RAD51B: variants seen among roughly 807,000 people sequenced by gnomAD.
RAD51B encodes the protein DNA repair protein RAD51 homolog 2.
In RAD51B, 38 loss-of-function variants were observed where a neutral mutation model predicts 42.2. That is an observed-to-expected ratio of 0.90 (90% CI 0.70 to 1.18). The LOEUF (loss-of-function observed/expected upper bound fraction) is 1.18, where lower values mean the gene tolerates loss of function less well. Among genes scored for constraint, RAD51B ranks in the 50% most tolerant of loss-of-function variants. The pLI is 0.00. For synonymous variants in RAD51B, 154 were observed against 145.2 expected, an observed-to-expected ratio of 1.06 and a Z score of -0.43; for missense variants, 373 against 400.7, an observed-to-expected ratio of 0.93 and a Z score of 0.59.
chr14:67,939,286 A>T (rs987548591), intron 7 of RAD51B, among the ~76,000 whole-genome samples: 2 of 152,202 alleles, frequency 1.3e-5, no homozygotes, highest in African/African-American at 2.4e-5. Context: ...ATACATGTAG[A>T]TACCCAATAT....
At chr14:68,365,044 T>C (rs2083113375) in intron 8 of RAD51B, among the ~76,000 whole-genome samples, 1 of 152,114 alleles carries the variant, frequency 6.6e-6, no homozygotes, top group South Asian at 2.1e-4. Flanking sequence ...GGCAGGAATG[T>C]AGTGCTCCTA....
At chr14:68,524,618 T>A (rs1886805903) in intron 10 of RAD51B, among the ~76,000 whole-genome samples, 1 of 152,198 alleles carries the variant, frequency 6.6e-6, no homozygotes, top group Non-Finnish European at 1.5e-5. Context: ...TAGAACTGAG[T>A]TAACTCACGT....
At chr14:67,873,178 G>A (rs934572842) in intron 5 of RAD51B, among the ~76,000 whole-genome samples, 3 of 152,050 alleles carry the variant, frequency 2.0e-5, no homozygotes, top group Admixed American at 6.6e-5. Flanking sequence ...GAAAATTTTC[G>A]CAACCTACTC....
chr14:67,959,828 C>T (rs1442563112), intron 7 of RAD51B, among the ~76,000 whole-genome samples: 3 of 152,110 alleles, frequency 2.0e-5, no homozygotes, highest in Admixed American at 1.3e-4. Context: ...CCCTGTAACC[C>T]TAGCACTTTG....
intron 7 of RAD51B, among the ~76,000 whole-genome samples, chr14:68,243,877 A>G (rs1421583179): frequency 6.6e-6 from 1 of 152,070 alleles, no homozygotes; most frequent in Non-Finnish European, 1.5e-5. Context: ...GTTGATTTGT[A>G]ATGAACAGAG....
intron 8 of RAD51B, among the ~76,000 whole-genome samples, chr14:68,295,866 G>A (rs1443020033): frequency 6.6e-6 from 1 of 152,044 alleles, no homozygotes; most frequent in Non-Finnish European, 1.5e-5. Flanking sequence ...TACAGGACAG[G>A]GTAGACCTTG....
chr14:67,990,264 G>A (rs1024810807), intron 7 of RAD51B, among the ~76,000 whole-genome samples: 3 of 151,914 alleles, frequency 2.0e-5, no homozygotes, highest in Admixed American at 2.0e-4. Flanking sequence ...GAAAGTGCTG[G>A]GATTACAGGC....
intron 5 of RAD51B, among the ~76,000 whole-genome samples, chr14:67,875,223 A>C (rs2042687007): frequency 1.3e-5 from 2 of 152,208 alleles, no homozygotes; most frequent in Admixed American, 6.5e-5. Context: ...GAAGACATTA[A>C]TCAAATAATC....
chr14:68,006,248 A>G (rs1019795674), intron 7 of RAD51B, among the ~76,000 whole-genome samples: 4 of 152,190 alleles, frequency 2.6e-5, no homozygotes, highest in Non-Finnish European at 5.9e-5. Flanking sequence ...AGTTCTTTAT[A>G]TATTATAAAT....
At chr14:68,466,588 C>A (rs1217156108) in intron 9 of RAD51B, among the ~76,000 whole-genome samples, 3 of 152,348 alleles carry the variant, frequency 2.0e-5, no homozygotes, top group Non-Finnish European at 2.9e-5. Flanking sequence ...GCCTTGTCAT[C>A]CCCAGAGTGT....
chr14:68,404,487 C>T (rs2084208932), intron 8 of RAD51B, among the ~76,000 whole-genome samples: 1 of 152,158 alleles, frequency 6.6e-6, no homozygotes, highest in African/African-American at 2.4e-5. Context: ...GCTTGAAAGT[C>T]AAAAGACATA....
At chr14:68,389,391 C>A (rs1212283106) in intron 8 of RAD51B, among the ~76,000 whole-genome samples, 1 of 151,860 alleles carries the variant, frequency 6.6e-6, no homozygotes, top group Admixed American at 6.6e-5. Context: ...ATAGCAGGTT[C>A]TCTTTGGTAC....
chr14:68,199,104 G>A (rs187353171), intron 7 of RAD51B, among the ~76,000 whole-genome samples: 12 of 152,082 alleles, frequency 7.9e-5, no homozygotes, highest in South Asian at 2.1e-4. Context: ...CTTATTCCTC[G>A]CATGACATGA....
intron 7 of RAD51B, among the ~76,000 whole-genome samples, chr14:68,151,612 T>TGTG (rs1555364668): frequency 6.6e-6 from 1 of 150,692 alleles, no homozygotes. Flanking sequence ...TCTTGGTTTT[T>TGTG]TGTGTGTGTG....
chr14:68,673,814 A>G lies in RAD51B; in HGVS notation c.*11+22958A>G, dbSNP rs114503164. Among the ~76,000 whole-genome samples the G allele has an allele frequency of 6.0e-3, 907 of 152,216 alleles. 4 individuals are homozygous for G. Among genetic ancestry groups the G allele is most frequent in the African/African-American group, 0.02 (831 of 41,506 alleles). On this transcript the variant is annotated intron_variant, in intron 11 of 11. Transcript: ENST00000488612. ...TATATGCACACATATATACATGTACACACATACACATACTGTACATACACA... is the reference window on the plus strand; with the variant it reads ...TATATGCACACATATATACATGTACGCACATACACATACTGTACATACACA...
At chr14:68,422,826 A>G (rs150264692) in intron 9 of RAD51B, among the ~76,000 whole-genome samples, 2 of 152,316 alleles carry the variant, frequency 1.3e-5, no homozygotes, top group East Asian at 3.9e-4. Flanking sequence ...CAAAGTTGAC[A>G]TAGTCACTCC....
chr14:67,940,775 T>A (rs1013007664), intron 7 of RAD51B, among the ~76,000 whole-genome samples: 4 of 144,952 alleles, frequency 2.8e-5, no homozygotes, highest in Non-Finnish European at 6.1e-5. Flanking sequence ...AATGATAGTA[T>A]CAGTAGGAAA....
At chr14:67,893,503 C>CA (rs1281801239) in intron 7 of RAD51B, among the ~76,000 whole-genome samples, 188 of 99,050 alleles carry the variant, frequency 1.9e-3, no homozygotes, top group African/African-American at 9.4e-3. Context: ...CACACACACA[C>CA]ACACACAAAA....
At chr14:67,942,893 A>T (rs1432590488) in intron 7 of RAD51B, among the ~76,000 whole-genome samples, 1 of 152,122 alleles carries the variant, frequency 6.6e-6, no homozygotes, top group African/African-American at 2.4e-5. Context: ...TTTCTCTCGA[A>T]ATGGTCATAG....
Sources: allele counts gnomAD v4.1 joint callset (sites outside exome capture counted in the v4.1 genomes callset), GRCh38; gene constraint gnomAD v4.1.1; transcripts MANE v1.5; gene names NCBI Gene and HGNC (gene_info 2026-07-23, HGNC 2026-07-21).